EYA2: variants seen among roughly 807,000 people sequenced by gnomAD.
The protein encoded by EYA2 is EYA transcriptional coactivator and phosphatase 2.
Under a neutral mutation model 69.2 loss-of-function variants are expected in EYA2, and 31 were observed. The ratio of observed to expected loss-of-function variants is 0.45; its 90% CI spans 0.34 to 0.60. The LOEUF (loss-of-function observed/expected upper bound fraction) is 0.60. Ranked by LOEUF, EYA2 falls within the 20% of genes least tolerant of loss-of-function variation. The pLI is 0.02. For missense variants in EYA2, 622 were observed against 701.2 expected (o/e 0.89, Z 1.28); for synonymous variants, 257 against 279.4 (o/e 0.92, Z 0.80).
chr20:47,160,350 G>A (rs768781140), intron 10 of EYA2, among the ~76,000 whole-genome samples: 4 of 152,196 alleles, frequency 2.6e-5, no homozygotes, highest in Non-Finnish European at 5.9e-5. Context: ...CAGCAGACAG[G>A]ATGTAATTGC....
intron 5 of EYA2, among the ~76,000 whole-genome samples, chr20:47,047,060 C>T (rs74878677): frequency 0.016 from 2,414 of 152,282 alleles, 71 homozygotes; most frequent in African/African-American, 0.055. Flanking sequence ...GTATCGTGTA[C>T]ATTTCTCAAA....
At chr20:46,930,799 C>T (rs377251561) in intron 1 of EYA2, among the ~76,000 whole-genome samples, 1 of 152,198 alleles carries the variant, frequency 6.6e-6, no homozygotes, top group African/African-American at 2.4e-5. Flanking sequence ...GCTGTTTGGA[C>T]GCGTTGACTC....
At chr20:47,042,168 T>C (rs957138564) in intron 5 of EYA2, among the ~76,000 whole-genome samples, 2 of 152,150 alleles carry the variant, frequency 1.3e-5, no homozygotes, top group Admixed American at 6.5e-5. Flanking sequence ...TGCTTACAAC[T>C]ACCATATAAA....
At chr20:46,995,685 C>G (rs748773312) in intron 2 of EYA2, among the ~76,000 whole-genome samples, 1 of 152,206 alleles carries the variant, frequency 6.6e-6, no homozygotes, top group African/African-American at 2.4e-5. Context: ...CCTTAGAAGC[C>G]GGCCCCTGGG....
chr20:46,917,388 T>C lies in EYA2; in HGVS notation c.-11+22401T>C, dbSNP rs1386091139. ...GAGGGTCAGAGTGACTTGCTTAAGATTTGGCAACTAGGATATGGCAAAACG... is the reference window on the plus strand; with the variant it reads ...GAGGGTCAGAGTGACTTGCTTAAGACTTGGCAACTAGGATATGGCAAAACG... On this transcript the variant is annotated intron_variant, in intron 1 of 15. Transcript: ENST00000327619. Among the ~76,000 whole-genome samples, 5 of 152,178 alleles carry C rather than the reference T, an allele frequency of 3.3e-5. No individual in the cohort carries two copies. The South Asian group carries it at 1.0e-3, about 32-fold the overall frequency.
intron 6 of EYA2, among the ~76,000 whole-genome samples, chr20:47,073,319 G>A (rs913325388): frequency 6.6e-6 from 1 of 152,144 alleles, no homozygotes; most frequent in Non-Finnish European, 1.5e-5. Context: ...AAAGGTGATT[G>A]GCAGCTATTG....
At chr20:47,038,980 G>A (rs896681250) in intron 5 of EYA2, among the ~76,000 whole-genome samples, 1 of 152,124 alleles carries the variant, frequency 6.6e-6, no homozygotes, top group African/African-American at 2.4e-5. Flanking sequence ...TAGCCTTTTA[G>A]GGGATGCAAC....
At chr20:47,010,261 G>A (rs76440487) in intron 4 of EYA2, among the ~76,000 whole-genome samples, 225 of 152,306 alleles carry the variant, frequency 1.5e-3, no homozygotes, top group Non-Finnish European at 1.8e-3. Flanking sequence ...TAACACTGAC[G>A]TATTATTTCT....
In EYA2 at chr20:47,183,954, C is replaced by G. The variant is rs73313755; in HGVS notation, c.1536+563C>G. On this transcript the variant is annotated intron_variant, in intron 15 of 15. Coordinates refer to ENST00000327619, the MANE Select transcript of EYA2 (RefSeq NM_005244.5). The stretch of plus-strand genomic sequence containing the variant: ...GGCCTGGGAAGTGGATTGTTAATGT[C>G]ACAGACCTTAATTAGGGGGACCTGG... Among the ~76,000 whole-genome samples the G allele has an allele frequency of 3.3e-5, 5 of 152,134 alleles. No homozygotes were observed. In the East Asian group the frequency reaches 9.6e-4, roughly 29 times the overall value.
rs566722011 is a variant in EYA2, at chr20:47,078,313, G to A, written c.661+3978G>A. Among the ~76,000 whole-genome samples the A allele has an allele frequency of 2.3e-3, 292 of 126,360 alleles. 3 individuals are homozygous for A. The highest frequency in any genetic ancestry group is 6.6e-3 in the African/African-American group (207 of 31,234). The allele number at this position is 126,360 out of a possible 152,430, so 82.9% of individuals were successfully genotyped here. On this transcript the variant is annotated intron_variant, in intron 7 of 15. Transcript: ENST00000327619. ...TTTAAGCATATGTGTGTGCACATGT[G>A]CACGTGCGCGCGCGCGCGCACACAC...
rs1407180398 is a variant in EYA2, at chr20:46,968,876, TTTCTGAACCTC to T, written c.-10-21123_-10-21113del. ...CTCTGTGTCCTTGTTCAGGTTAACG[TTTCTGAACCTC>T]TCTTTCCTCTTCTGTAAAATGAGGG... On this transcript the variant is annotated intron_variant, in intron 1 of 15. Transcript: ENST00000327619. Among the ~76,000 whole-genome samples the T allele has an allele frequency of 1.2e-4, 19 of 152,162 alleles. 1 individual carries two copies. Among genetic ancestry groups the T allele is most frequent in the Admixed American group, 1.1e-3 (17 of 15,288 alleles).
intron 9 of EYA2, among the ~76,000 whole-genome samples, chr20:47,121,390 G>A (rs952110024): frequency 1.3e-5 from 2 of 152,140 alleles, no homozygotes; most frequent in Admixed American, 6.5e-5. Flanking sequence ...ACCGTGCCCC[G>A]CCAGAATTCA....
rs779945744 is a variant in EYA2, at chr20:47,182,628, T to TCAAAAAAAAAAAAGA, written c.1436-663_1436-662insCAAAAAAAAAAAAGA. Among the ~76,000 whole-genome samples the TCAAAAAAAAAAAAGA allele has an allele frequency of 2.4e-5, 2 of 84,340 alleles. 1 individual carries two copies. Among genetic ancestry groups the TCAAAAAAAAAAAAGA allele is most frequent in the African/African-American group, 1.3e-4 (2 of 15,288 alleles). 55.3% of individuals were successfully genotyped at this position (84,340 alleles called of 152,430 possible). The stretch of plus-strand genomic sequence containing the variant: ...TGGGCAACAAGAACGAGACTCCGTC[T>TCAAAAAAAAAAAAGA]AAAAAAAAAAAAAAAAGGTTAAGAT... On this transcript the variant is annotated intron_variant, in intron 14 of 15. Coordinates refer to ENST00000327619, the MANE Select transcript of EYA2 (RefSeq NM_005244.5).
At chr20:47,153,119 A>C (rs2033856107) in intron 10 of EYA2, among the ~76,000 whole-genome samples, 1 of 152,016 alleles carries the variant, frequency 6.6e-6, no homozygotes, top group Non-Finnish European at 1.5e-5. Flanking sequence ...GATGTCAGTC[A>C]GCTGAGCAGT....
chr20:47,172,338 G>A (rs142258375), intron 11 of EYA2, among the ~76,000 whole-genome samples: 10 of 152,104 alleles, frequency 6.6e-5, no homozygotes, highest in South Asian at 4.2e-4. Context: ...CCAGCTCCTC[G>A]GAAGGCTGAG....
At chr20:47,079,948 G>A (rs952943845) in intron 7 of EYA2, among the ~76,000 whole-genome samples, 2 of 152,214 alleles carry the variant, frequency 1.3e-5, no homozygotes, top group African/African-American at 4.8e-5. Flanking sequence ...TTTCTCTGGA[G>A]AGGAAAACAA....
At chr20:47,113,103 C>T (rs8125408) in intron 9 of EYA2, among the ~76,000 whole-genome samples, 60,908 of 151,556 alleles carry the variant, frequency 0.4, 14,115 homozygotes, top group East Asian at 0.53. Flanking sequence ...GAACCCCCGA[C>T]CTCAAGTGAT....
At chr20:47,064,384 G>A (rs542438690) in intron 5 of EYA2, among the ~76,000 whole-genome samples, 21 of 152,304 alleles carry the variant, frequency 1.4e-4, no homozygotes, top group Non-Finnish European at 2.4e-4. Flanking sequence ...CCGTTCAGCC[G>A]TCAGTGGACA....
chr20:46,943,969 G>C (rs551406619), intron 1 of EYA2, among the ~76,000 whole-genome samples: 129 of 152,136 alleles, frequency 8.5e-4, no homozygotes, highest in African/African-American at 3.0e-3. Flanking sequence ...TTTCTCTCAA[G>C]TGCAAGAAGC....
Sources: gnomAD v4.1 joint callset for allele counts (sites outside exome capture counted in the v4.1 genomes callset) on GRCh38, gnomAD v4.1.1 for gene constraint, MANE v1.5 for transcripts, NCBI Gene and HGNC (gene_info 2026-07-23, HGNC 2026-07-21) for gene names.